The following CHODL variants were observed in gnomAD, a reference collection of about 807,000 sequenced individuals.
The protein encoded by CHODL is chondrolectin.
Under a neutral mutation model 34.5 loss-of-function variants are expected in CHODL, and 29 were observed. The observed-to-expected ratio is 0.84, with a 90% CI of 0.63 to 1.15. CHODL has a LOEUF of 1.15. Among genes scored for constraint, CHODL ranks in the 50% most tolerant of loss-of-function variants. The pLI, the probability that CHODL is intolerant of heterozygous loss-of-function variation, is 0.00. For synonymous variants in CHODL, 125 were observed against 116.1 expected, an observed-to-expected ratio of 1.08 and a Z score of -0.49; for missense variants, 332 against 332.5, an observed-to-expected ratio of 1.00 and a Z score of 0.01.
chr21:18,127,425 T>G (rs2065560034), intron 2 of CHODL, among the ~76,000 whole-genome samples: 1 of 152,128 alleles, frequency 6.6e-6, no homozygotes, highest in Non-Finnish European at 1.5e-5. Flanking sequence ...TGAGCCTGGA[T>G]CCATTGGTCA....
chr21:18,248,033 T>C (rs2074164947), intron 1 of CHODL, among the ~76,000 whole-genome samples: 7 of 151,836 alleles, frequency 4.6e-5, no homozygotes, highest in Admixed American at 3.3e-4. Context: ...CTTTTTTCTT[T>C]CTAGTGTGCA....
intron 2 of CHODL, among the ~76,000 whole-genome samples, chr21:18,115,162 A>G (rs990317037): frequency 1.3e-5 from 2 of 152,222 alleles, no homozygotes; most frequent in Admixed American, 1.3e-4. Flanking sequence ...TGACTCAGTG[A>G]ATTTAGGAAA....
rs998281055 is a variant in CHODL at position 18,088,605 on chromosome 21, G to T, written c.-45+60634G>T. ...TCCCTGCATCTAGGAATCTCTCCTG[G>T]CTATCTGTCAATTTCCAGATGGGCA... On this transcript the variant is annotated intron_variant, in intron 2 of 6. Transcript: ENST00000400127. 1.1e-4 allele frequency among the ~76,000 whole-genome samples: 16 copies of T among 152,250 alleles called. No individual in the cohort carries two copies. The East Asian group carries it at 2.9e-3, about 28-fold the overall frequency.
chr21:18,156,692 C>T (rs568589685), intron 2 of CHODL, among the ~76,000 whole-genome samples: 2 of 152,234 alleles, frequency 1.3e-5, no homozygotes, highest in Non-Finnish European at 2.9e-5. Flanking sequence ...GTTTCTTCCA[C>T]GACGATTGCC....
intron 2 of CHODL, among the ~76,000 whole-genome samples, chr21:18,062,907 AAGGACAAAAATG>A (rs2064686593): frequency 6.6e-6 from 1 of 152,128 alleles, no homozygotes; most frequent in Admixed American, 6.5e-5. Context: ...AAGAGAGGGA[AAGGACAAAAATG>A]AGCCTTTTTT....
At chr21:18,155,154 T>C (rs1165198081) in intron 2 of CHODL, among the ~76,000 whole-genome samples, 1 of 152,214 alleles carries the variant, frequency 6.6e-6, no homozygotes, top group Non-Finnish European at 1.5e-5. Context: ...TTCATATCTT[T>C]GTTTCCCATC....
chr21:18,045,781 G>A (rs1232647891), intron 2 of CHODL, among the ~76,000 whole-genome samples: 2 of 151,848 alleles, frequency 1.3e-5, no homozygotes, highest in African/African-American at 4.8e-5. Flanking sequence ...CAATTGACTA[G>A]AAGGAACTAG....
chr21:17,987,529 T>G (rs2063762973), intron 1 of CHODL, among the ~76,000 whole-genome samples: 1 of 152,170 alleles, frequency 6.6e-6, no homozygotes, highest in Admixed American at 6.5e-5. Context: ...AAGCTCAGTT[T>G]GAAGCAATCA....
chr21:18,108,235 C>T (rs772786805), intron 2 of CHODL, among the ~76,000 whole-genome samples: 9 of 151,858 alleles, frequency 5.9e-5, no homozygotes, highest in Admixed American at 1.3e-4. Context: ...GTCACGGTTG[C>T]ATATTTAGGA....
At position 18,232,354 on chromosome 21, in the gene CHODL, T is replaced by G. The variant is rs188076583; in HGVS notation, c.-44-24155T>G. 2.4e-4 allele frequency among the ~76,000 whole-genome samples: 37 copies of G among 152,190 alleles called. No individual in the cohort carries two copies. The East Asian group carries it at 6.8e-3, about 28-fold the overall frequency. On this transcript the variant is annotated intron_variant, in intron 2 of 6. Transcript: ENST00000400127. ...ACCTGGGTCACTGAATGACAGAAAT[T>G]TATTTCTCACAGTTCTGGAGGCAGG...
chr21:18,003,050 G>C (rs536323909), intron 1 of CHODL, among the ~76,000 whole-genome samples: 3 of 151,760 alleles, frequency 2.0e-5, no homozygotes, highest in East Asian at 1.9e-4. Context: ...GTGAACCCCG[G>C]GGGGCGGAGT....
At chr21:18,165,374 T>C (rs1298482900) in intron 2 of CHODL, among the ~76,000 whole-genome samples, 1 of 152,242 alleles carries the variant, frequency 6.6e-6, no homozygotes, top group East Asian at 1.9e-4. Context: ...TAATTTTGCC[T>C]CCTTTTAATC....
intron 1 of CHODL, among the ~76,000 whole-genome samples, chr21:17,951,682 G>A (rs932130942): frequency 2.6e-5 from 4 of 152,148 alleles, no homozygotes; most frequent in Non-Finnish European, 1.5e-5. Flanking sequence ...GAACTGAAAA[G>A]TAAAATATAC....
chr21:18,037,459 T>C (rs1261844621), intron 2 of CHODL, among the ~76,000 whole-genome samples: 1 of 151,860 alleles, frequency 6.6e-6, no homozygotes, highest in East Asian at 1.9e-4. Flanking sequence ...GGAAAAATTA[T>C]TAGACTCCTA....
intron 1 of CHODL, among the ~76,000 whole-genome samples, chr21:17,937,963 C>A (rs1206879506): frequency 1.3e-5 from 2 of 152,170 alleles, no homozygotes; most frequent in Non-Finnish European, 2.9e-5. Flanking sequence ...TGGGCAAGTT[C>A]CTAAACTTTG....
intron 2 of CHODL, among the ~76,000 whole-genome samples, chr21:18,037,019 A>ACCCTTCTAGATATTGG (rs2064319641): frequency 6.6e-6 from 1 of 151,970 alleles, no homozygotes; most frequent in Non-Finnish European, 1.5e-5. Context: ...CTAGAAGGTT[A>ACCCTTCTAGATATTGG]GTATGCCCAA....
At chr21:18,199,107 C>T (rs538942840) in intron 2 of CHODL, among the ~76,000 whole-genome samples, 1 of 152,142 alleles carries the variant, frequency 6.6e-6, no homozygotes, top group East Asian at 1.9e-4. Context: ...AGATTTAGTT[C>T]TCAAATAACA....
intron 2 of CHODL, among the ~76,000 whole-genome samples, chr21:18,200,081 A>G (rs769445832): frequency 6.6e-6 from 1 of 152,172 alleles, no homozygotes; most frequent in Non-Finnish European, 1.5e-5. Flanking sequence ...GCAATGAATG[A>G]TAGTTCTATT....
At chr21:17,977,638 G>A (rs1415346695) in intron 1 of CHODL, among the ~76,000 whole-genome samples, 1 of 148,782 alleles carries the variant, frequency 6.7e-6, no homozygotes, top group East Asian at 2.0e-4. Context: ...GGGATGACAG[G>A]TGTGAATCAC....
Sources: allele counts gnomAD v4.1 joint callset (sites outside exome capture counted in the v4.1 genomes callset), GRCh38; gene constraint gnomAD v4.1.1; transcripts MANE v1.5; gene names NCBI Gene and HGNC (gene_info 2026-07-23, HGNC 2026-07-21).